Variants in LINGO2 observed in about 807,000 individuals in gnomAD.
The protein encoded by LINGO2 is leucine-rich repeat and immunoglobulin-like domain-containing nogo receptor-interacting protein 2.
LINGO2 carries 14 observed loss-of-function variants against 30.6 expected under a neutral mutation model. That is an observed-to-expected ratio of 0.46 (90% CI 0.30 to 0.72). The LOEUF is 0.72. Among genes scored for constraint, LINGO2 ranks in the 30% least tolerant of loss-of-function variants. The pLI is 0.07. For missense variants in LINGO2, 729 were observed against 751.7 expected (o/e 0.97, Z 0.35); for synonymous variants, 317 against 288.5 (o/e 1.10, Z -1.00).
the LINGO2 span, among the ~76,000 whole-genome samples, chr9:29,033,976 G>A: frequency 0.15 from 22,646 of 151,816 alleles, 2,067 homozygotes; most frequent in South Asian, 0.21. Context: ...CAGCTATTTC[G>A]GAGGCTGAAA....
At chr9:28,651,075 C>T (rs2135972092) in intron 1 of LINGO2, among the ~76,000 whole-genome samples, 1 of 151,804 alleles carries the variant, frequency 6.6e-6, no homozygotes, top group East Asian at 1.9e-4. Flanking sequence ...CCTGTAATCC[C>T]AGCTTCTCGG....
At chr9:28,727,630 C>T in the LINGO2 span, among the ~76,000 whole-genome samples, 1 of 152,196 alleles carries the variant, frequency 6.6e-6, no homozygotes, top group African/African-American at 2.4e-5. Flanking sequence ...GTCTTTCATC[C>T]GTCTTTAGAT....
chr9:28,932,758 T>A, the LINGO2 span, among the ~76,000 whole-genome samples: 1 of 152,142 alleles, frequency 6.6e-6, no homozygotes, highest in Non-Finnish European at 1.5e-5. Context: ...CAAAGTTGTA[T>A]CAATTTACCA....
chr9:28,877,026 T>G, the LINGO2 span, among the ~76,000 whole-genome samples: 3 of 152,172 alleles, frequency 2.0e-5, no homozygotes, highest in African/African-American at 7.2e-5. Context: ...TTTTCATGTG[T>G]TTTTTGGCTG....
chr9:28,449,381 C>CT (rs796478040), intron 2 of LINGO2, among the ~76,000 whole-genome samples: 1 of 151,932 alleles, frequency 6.6e-6, no homozygotes, highest in African/African-American at 2.4e-5. Context: ...AAGTGCATTT[C>CT]TTTTTTTTAA....
Position 28,329,010 on chromosome 9 carries a change from C to T in LINGO2, c.-245-33644G>A, listed in dbSNP as rs1825326943. On this transcript the variant is annotated intron_variant, in intron 3 of 5. Coordinates refer to ENST00000379992, the Ensembl canonical transcript of LINGO2. The surrounding 1 kb of genome is among the most constrained non-coding windows in gnomAD (Gnocchi z 4.5). ...ATACATTGAATGGCCTTCACAGAGA[C>T]TTCTCAGGTTCTCACCCCATCCGTA... Among the ~76,000 whole-genome samples, 1 of 152,126 alleles carries T rather than the reference C, an allele frequency of 6.6e-6. No homozygotes were observed. Among genetic ancestry groups the T allele is most frequent in the South Asian group, 2.1e-4 (1 of 4,816 alleles).
chr9:28,397,531 T>G (rs1036365786), intron 2 of LINGO2, among the ~76,000 whole-genome samples: 3 of 149,238 alleles, frequency 2.0e-5, no homozygotes, highest in African/African-American at 7.4e-5. Context: ...TACCATGCTG[T>G]ACAATAGATG....
chr9:28,518,010 T>A (rs1820691430), intron 1 of LINGO2, among the ~76,000 whole-genome samples: 1 of 152,220 alleles, frequency 6.6e-6, no homozygotes, highest in Non-Finnish European at 1.5e-5. Context: ...ATCTTATTTC[T>A]GTGTCCCTCT....
At chr9:28,326,612 T>C (rs1257941971) in intron 3 of LINGO2, among the ~76,000 whole-genome samples, 1 of 152,252 alleles carries the variant, frequency 6.6e-6, no homozygotes, top group East Asian at 1.9e-4. Context: ...AAGAACTATA[T>C]TGGCATCGTT....
intron 1 of LINGO2, among the ~76,000 whole-genome samples, chr9:28,573,872 C>T (rs539683701): frequency 4.6e-5 from 7 of 151,820 alleles, no homozygotes; most frequent in African/African-American, 1.5e-4. Flanking sequence ...ATTGCATAAA[C>T]AACAACTTTT....
At chr9:29,117,984 G>T in the LINGO2 span, among the ~76,000 whole-genome samples, 11 of 152,176 alleles carry the variant, frequency 7.2e-5, no homozygotes, top group African/African-American at 2.7e-4. Flanking sequence ...ATCTCAGATC[G>T]CTGCATAAAA....
the LINGO2 span, among the ~76,000 whole-genome samples, chr9:28,920,983 AT>A: frequency 6.6e-6 from 1 of 152,146 alleles, no homozygotes; most frequent in Admixed American, 6.6e-5. Flanking sequence ...AAATATATGC[AT>A]TTTTAGGAAG....
chr9:28,937,730 G>T, the LINGO2 span, among the ~76,000 whole-genome samples: 1 of 152,262 alleles, frequency 6.6e-6, no homozygotes, highest in South Asian at 2.1e-4. Flanking sequence ...TGTGGGTTCT[G>T]GGCCTGCGGT....
chr9:28,305,612 A>G (rs781274034), intron 3 of LINGO2, among the ~76,000 whole-genome samples: 3 of 152,050 alleles, frequency 2.0e-5, no homozygotes, highest in Non-Finnish European at 4.4e-5. Flanking sequence ...AAAGTTCCCA[A>G]TAATATAAAA....
intron 1 of LINGO2, among the ~76,000 whole-genome samples, chr9:28,486,765 T>C (rs1170010813): frequency 6.6e-6 from 1 of 152,046 alleles, no homozygotes; most frequent in Non-Finnish European, 1.5e-5. Flanking sequence ...AACCTCATGT[T>C]CCAAAAAACC....
the LINGO2 span, among the ~76,000 whole-genome samples, chr9:28,795,395 C>G: frequency 1.3e-5 from 2 of 151,936 alleles, no homozygotes; most frequent in South Asian, 4.2e-4. Context: ...AGGAAGAGCC[C>G]AGAAAAAGCA....
intron 4 of LINGO2, among the ~76,000 whole-genome samples, chr9:28,023,095 T>G (rs1300214733): frequency 6.6e-6 from 1 of 152,176 alleles, no homozygotes; most frequent in East Asian, 1.9e-4. Context: ...TTAGAGCCTT[T>G]AACATATTAA....
chr9:29,126,353 A>T, the LINGO2 span, among the ~76,000 whole-genome samples: 10 of 152,244 alleles, frequency 6.6e-5, no homozygotes, highest in African/African-American at 2.4e-4. Context: ...CCCCATCACT[A>T]CAATAGGGTT....
chr9:29,020,553 A>G, the LINGO2 span, among the ~76,000 whole-genome samples: 1 of 140,360 alleles, frequency 7.1e-6, no homozygotes, highest in Non-Finnish European at 1.6e-5. Flanking sequence ...TTAAGCTTCT[A>G]AAAGCTTGGG....
Sources: gnomAD v4.1 joint callset for allele counts (sites outside exome capture counted in the v4.1 genomes callset) on GRCh38, gnomAD v4.1.1 for gene constraint, Gnocchi (gnomAD v3.1) non-coding constraint, MANE v1.5 for transcripts, NCBI Gene and HGNC (gene_info 2026-07-23, HGNC 2026-07-21) for gene names.